The following ZNF420 variants were observed in gnomAD, a reference collection of about 807,000 sequenced individuals.
ZNF420 encodes the protein zinc finger protein 420.
In ZNF420, 31 loss-of-function variants were observed where a neutral mutation model predicts 44.7. The ratio of observed to expected loss-of-function variants is 0.69; its 90% CI spans 0.52 to 0.94. The LOEUF (loss-of-function observed/expected upper bound fraction) is 0.94, where lower values mean the gene tolerates loss of function less well. Among genes scored for constraint, ZNF420 ranks in the 40% least tolerant of loss-of-function variants. The pLI is 0.00. For synonymous variants in ZNF420, 245 were observed against 267.4 expected, an observed-to-expected ratio of 0.92 and a Z score of 0.82; for missense variants, 681 against 827.9, an observed-to-expected ratio of 0.82 and a Z score of 2.18.
chr19:37,008,868 A>G (rs1478180698), intron 1 of ZNF420, among the ~76,000 whole-genome samples: 1 of 152,212 alleles, frequency 6.6e-6, no homozygotes, highest in African/African-American at 2.4e-5. Flanking sequence ...AACACTTTCC[A>G]GTCCATCAGG....
chr19:37,081,519 T>TTTA (rs1968455531), intron 2 of ZNF420, among the ~76,000 whole-genome samples: 1 of 150,788 alleles, frequency 6.6e-6, no homozygotes, highest in African/African-American at 2.4e-5. Context: ...TTTTTTTTTT[T>TTTA]GAGGCAGAGT....
At chr19:37,010,285 C>T (rs2074558711) in intron 1 of ZNF420, among the ~76,000 whole-genome samples, 1 of 152,136 alleles carries the variant, frequency 6.6e-6, no homozygotes, top group African/African-American at 2.4e-5. Flanking sequence ...AAACCATTGG[C>T]GGAAAATGGC....
intron 4 of ZNF420, among the ~76,000 whole-genome samples, chr19:37,099,943 T>C (rs562474531): frequency 1.3e-5 from 2 of 152,224 alleles, no homozygotes; most frequent in South Asian, 2.1e-4. Flanking sequence ...CTCTTTACTC[T>C]CATTTCCTTT....
At chr19:37,080,630 T>A (rs1968385783) in intron 2 of ZNF420, among the ~76,000 whole-genome samples, 1 of 152,172 alleles carries the variant, frequency 6.6e-6, no homozygotes, top group Non-Finnish European at 1.5e-5. Flanking sequence ...AATAGCTCTA[T>A]TGTGTTATTT....
intron 4 of ZNF420, among the ~76,000 whole-genome samples, chr19:37,118,462 G>A (rs532852681): frequency 7.2e-5 from 11 of 152,222 alleles, no homozygotes; most frequent in South Asian, 6.2e-4. Context: ...AAGAGCTCCT[G>A]AAGGAAACAC....
intron 1 of ZNF420, among the ~76,000 whole-genome samples, chr19:37,024,416 A>G (rs8101392): frequency 0.56 from 85,174 of 151,848 alleles, 25,514 homozygotes; most frequent in African/African-American, 0.76. Context: ...ACTGAGACCC[A>G]TCTCAGACAT....
At chr19:37,085,351 G>A (rs1165021763) in intron 2 of ZNF420, among the ~76,000 whole-genome samples, 1 of 152,156 alleles carries the variant, frequency 6.6e-6, no homozygotes, top group Non-Finnish European at 1.5e-5. Flanking sequence ...TTATGACCCA[G>A]CATCTGGTTT....
chr19:37,056,736 G>A (rs982741053), intron 1 of ZNF420, among the ~76,000 whole-genome samples: 1 of 152,202 alleles, frequency 6.6e-6, no homozygotes, highest in Non-Finnish European at 1.5e-5. Flanking sequence ...TCAGATCTGA[G>A]GAGGAATCCA....
intron 4 of ZNF420, chr19:37,106,729 C>CA (rs894287010): frequency 1.3e-5 from 2 of 152,096 alleles, no homozygotes; most frequent in African/African-American, 4.8e-5. Flanking sequence ...GAGACAGAGA[C>CA]AAAGTGTGGA....
intron 4 of ZNF420, among the ~76,000 whole-genome samples, chr19:37,115,969 A>C (rs1039214131): frequency 6.6e-6 from 1 of 152,182 alleles, no homozygotes; most frequent in Non-Finnish European, 1.5e-5. Context: ...CACATCCTGC[A>C]TAGCCCTAAA....
chr19:37,106,346 T>G (rs1404338551), intron 4 of ZNF420, among the ~76,000 whole-genome samples: 1 of 152,234 alleles, frequency 6.6e-6, no homozygotes, highest in Non-Finnish European at 1.5e-5. Flanking sequence ...GAACCAGCCT[T>G]GCATCCCAGG....
chr19:37,025,352 T>G (rs1225962526), intron 1 of ZNF420: 2 of 173,314 alleles, frequency 1.2e-5, no homozygotes, highest in Non-Finnish European at 2.4e-5. Flanking sequence ...ATCTTGTTTT[T>G]TTAAAGTTAA....
At chr19:37,085,942 A>T (rs1369453879) in intron 2 of ZNF420, among the ~76,000 whole-genome samples, 6 of 59,342 alleles carry the variant, frequency 1.0e-4, no homozygotes, top group Admixed American at 3.6e-4. Context: ...ATGTTTTATT[A>T]TTATTATTAT....
At chr19:37,046,356 G>A (rs1360284782) in intron 1 of ZNF420, among the ~76,000 whole-genome samples, 2 of 152,064 alleles carry the variant, frequency 1.3e-5, no homozygotes, top group East Asian at 1.9e-4. Context: ...ATGTGTACCC[G>A]AAGTAGTAAA....
intron 2 of ZNF420, among the ~76,000 whole-genome samples, chr19:37,088,543 G>A (rs1024209080): frequency 6.6e-6 from 1 of 152,156 alleles, no homozygotes; most frequent in South Asian, 2.1e-4. Context: ...TCCATTTATA[G>A]ATAATGCATT....
At chr19:37,106,792 A>C (rs1353235812) in intron 4 of ZNF420, 1 of 152,172 alleles carries the variant, frequency 6.6e-6, no homozygotes, top group Non-Finnish European at 1.5e-5. Flanking sequence ...GAGTTCCCTC[A>C]GTATTTATTG....
chr19:37,078,352 A>G (rs571308332), upstream of ZNF420: 23 of 152,290 alleles, frequency 1.5e-4, no homozygotes, highest in African/African-American at 4.6e-4. Flanking sequence ...TACATTTCCC[A>G]GAGGCACGGC....
intron 4 of ZNF420, among the ~76,000 whole-genome samples, chr19:37,102,226 G>T (rs1181037327): frequency 1.3e-5 from 2 of 152,204 alleles, no homozygotes; most frequent in Non-Finnish European, 2.9e-5. Flanking sequence ...TTGCAGGAGG[G>T]CCCAAGGCAA....
intron 1 of ZNF420, among the ~76,000 whole-genome samples, chr19:37,041,136 C>T (rs1967444354): frequency 6.6e-6 from 1 of 151,840 alleles, no homozygotes; most frequent in African/African-American, 2.4e-5. Flanking sequence ...CCAGCCTGGC[C>T]AACATGGCGA....
Sources: allele counts gnomAD v4.1 joint callset (sites outside exome capture counted in the v4.1 genomes callset), GRCh38; gene constraint gnomAD v4.1.1; transcripts MANE v1.5; gene names NCBI Gene and HGNC (gene_info 2026-07-23, HGNC 2026-07-21).